The following MERTK variants were observed in gnomAD, a reference collection of about 807,000 sequenced individuals.
MERTK encodes the protein MER proto-oncogene, tyrosine kinase, also known as tyrosine-protein kinase Mer.
In MERTK, 69 loss-of-function variants were observed where a neutral mutation model predicts 99.3. The ratio of observed to expected loss-of-function variants is 0.70; its 90% confidence interval spans 0.57 to 0.85. The LOEUF is 0.85. Among genes scored for constraint, MERTK ranks in the 40% least tolerant of loss-of-function variants. MERTK has a pLI of 0.00. For missense variants in MERTK, 1,125 were observed against 1,249.4 expected (o/e 0.90, Z 1.50); for synonymous variants, 426 against 467.6 (o/e 0.91, Z 1.15).
intron 4 of MERTK, among the ~76,000 whole-genome samples, chr2:111,951,597 T>G (rs1397405449): frequency 1.4e-5 from 2 of 146,268 alleles, no homozygotes; most frequent in East Asian, 4.0e-4. Context: ...TTACATTGTT[T>G]CCGTGTCTAA....
intron 1 of MERTK, among the ~76,000 whole-genome samples, chr2:111,901,070 C>T (rs1684033735): frequency 6.6e-6 from 1 of 152,196 alleles, no homozygotes; most frequent in African/African-American, 2.4e-5. Context: ...CTCACAAAGA[C>T]ATGCACACAC....
At position 112,003,089 on chromosome 2, in the gene MERTK, C is replaced by T; in HGVS notation, c.1691-3C>T. The stretch of plus-strand genomic sequence containing the variant: ...TGTACATACTATGTTACTCCTTTTT[C>T]AGTACATAGCTTGGGAGTCAGTGAG... On this transcript the variant is annotated splice_region_variant and splice_polypyrimidine_tract_variant and intron_variant, in intron 11 of 18. Transcript: ENST00000295408. The T allele has an allele frequency of 6.9e-7, 1 of 1,444,156 alleles. No homozygotes were observed. Among genetic ancestry groups the T allele is most frequent in the Non-Finnish European group, 9.8e-7 (1 of 1,025,526 alleles). The allele number at this position is 1,444,156 out of a possible 1,614,324, so 89.5% of individuals were successfully genotyped here.
intron 8 of MERTK, among the ~76,000 whole-genome samples, chr2:111,993,198 A>T (rs996786167): frequency 2.0e-5 from 3 of 152,136 alleles, no homozygotes; most frequent in African/African-American, 7.2e-5. Context: ...CTGGGCCATG[A>T]TGTCCACTGC....
intron 8 of MERTK, among the ~76,000 whole-genome samples, chr2:111,992,548 C>T (rs775650986): frequency 1.3e-5 from 2 of 152,014 alleles, no homozygotes; most frequent in Admixed American, 6.5e-5. Context: ...GTCAAGAGAT[C>T]GAGACCATCA....
chr2:111,907,172 T>G (rs1684152389), intron 1 of MERTK, among the ~76,000 whole-genome samples: 1 of 152,154 alleles, frequency 6.6e-6, no homozygotes, highest in Admixed American at 6.5e-5. Context: ...CCCAGCACTT[T>G]GGGAGGTCAG....
chr2:111,962,577 A>G (rs1487708354), intron 4 of MERTK, among the ~76,000 whole-genome samples: 1 of 152,290 alleles, frequency 6.6e-6, no homozygotes, highest in Admixed American at 6.5e-5. Flanking sequence ...GTGATTTCCC[A>G]TAAACCCCAC....
intron 15 of MERTK, among the ~76,000 whole-genome samples, chr2:112,014,728 C>T (rs1432103392): frequency 5.3e-5 from 8 of 152,068 alleles, no homozygotes; most frequent in South Asian, 4.1e-4. Flanking sequence ...CTATGCCTCC[C>T]GGGTTCTAGC....
At chr2:112,017,339 G>C (rs1477904529) in intron 15 of MERTK, among the ~76,000 whole-genome samples, 1 of 152,154 alleles carries the variant, frequency 6.6e-6, no homozygotes, top group Non-Finnish European at 1.5e-5. Context: ...ACTGATTGGT[G>C]CATTTACAAT....
chr2:112,008,232 A>G (rs1273354248), intron 13 of MERTK, 151 bp from the exon 14 acceptor site: 2 of 694,398 alleles, frequency 2.9e-6, no homozygotes, highest in African/African-American at 3.5e-5. Context: ...CCCTAGCCCT[A>G]CTAGCCCCTG....
chr2:112,010,980 T>C (rs1677088577), intron 15 of MERTK, among the ~76,000 whole-genome samples: 1 of 152,062 alleles, frequency 6.6e-6, no homozygotes, highest in Non-Finnish European at 1.5e-5. Context: ...AAGGCAAAAG[T>C]CACTCCAGAT....
At chr2:111,925,241 T>A (rs758752607) in intron 1 of MERTK, among the ~76,000 whole-genome samples, 7 of 142,774 alleles carry the variant, frequency 4.9e-5, no homozygotes, top group African/African-American at 7.8e-5. Context: ...CAAATCATTC[T>A]ATCAACTTCT....
chr2:111,984,600 A>T (rs1676435104), intron 8 of MERTK, among the ~76,000 whole-genome samples: 1 of 152,154 alleles, frequency 6.6e-6, no homozygotes, highest in African/African-American at 2.4e-5. Context: ...AGGGCCCTGA[A>T]AGTGAAGCCA....
At chr2:111,986,908 A>G (rs2104744624) in intron 8 of MERTK, among the ~76,000 whole-genome samples, 1 of 152,344 alleles carries the variant, frequency 6.6e-6, no homozygotes, top group African/African-American at 2.4e-5. Flanking sequence ...ATCCAAAACT[A>G]GGGACAAATA....
chr2:111,980,957 C>T (rs1453982392), intron 7 of MERTK, among the ~76,000 whole-genome samples: 3 of 152,024 alleles, frequency 2.0e-5, no homozygotes, highest in Non-Finnish European at 2.9e-5. Context: ...TCTTTATTGC[C>T]ATCATAGAGG....
In MERTK at chr2:111,905,433, C is replaced by CTTTTTTTTT. The variant is rs61232340; in HGVS notation, c.61+6652_61+6660dup. ...ATTTCATTGAGAAACCTACACTGTT[C>CTTTTTTTTT]TTTTTTTTTTTTTTTTTTTTTTTGA... On this transcript the variant is annotated intron_variant, in intron 1 of 18. Transcript: ENST00000295408. Among the ~76,000 whole-genome samples, 10 of 85,276 alleles carry CTTTTTTTTT rather than the reference C, an allele frequency of 1.2e-4. 1 individual carries two copies. Among genetic ancestry groups the CTTTTTTTTT allele is most frequent in the Non-Finnish European group, 1.6e-4 (8 of 49,054 alleles). The allele number at this position is 85,276 out of a possible 152,430, so 55.9% of individuals were successfully genotyped here.
intron 2 of MERTK, among the ~76,000 whole-genome samples, chr2:111,939,654 A>ATT (rs1184269274): frequency 0.015 from 1,361 of 88,250 alleles, 88 homozygotes; most frequent in Non-Finnish European, 0.023. Flanking sequence ...CTAATTTTTA[A>ATT]TTTTTTTTTT....
At chr2:112,007,785 T>C (rs1174103013) in intron 13 of MERTK, among the ~76,000 whole-genome samples, 1 of 152,000 alleles carries the variant, frequency 6.6e-6, no homozygotes, top group Non-Finnish European at 1.5e-5. Context: ...TGGGGTTCTT[T>C]CTTTTTTTAA....
At chr2:111,927,227 C>T (rs1684584322) in intron 1 of MERTK, among the ~76,000 whole-genome samples, 1 of 152,176 alleles carries the variant, frequency 6.6e-6, no homozygotes, top group Admixed American at 6.5e-5. Flanking sequence ...GAGAGTTGGC[C>T]CCCAACATCA....
At chr2:112,008,088 C>G (rs1200752619) in intron 13 of MERTK, among the ~76,000 whole-genome samples, 1 of 152,132 alleles carries the variant, frequency 6.6e-6, no homozygotes, top group Non-Finnish European at 1.5e-5. Context: ...TTAGGGTTCA[C>G]TCTTGGTGTT....
Sources: gnomAD v4.1 joint callset for allele counts (sites outside exome capture counted in the v4.1 genomes callset) on GRCh38, gnomAD v4.1.1 for gene constraint, MANE v1.5 for transcripts, NCBI Gene and HGNC (gene_info 2026-07-23, HGNC 2026-07-21) for gene names.